CD226: variants seen among roughly 807,000 people sequenced by gnomAD.
The protein encoded by CD226 is CD226 molecule, also known as CD226 antigen.
In CD226, 24 loss-of-function variants were observed where a neutral mutation model predicts 34.9. The ratio of observed to expected loss-of-function variants is 0.69; its 90% CI spans 0.50 to 0.97. CD226 has a LOEUF of 0.97. Among genes scored for constraint, CD226 ranks in the 50% least tolerant of loss-of-function variants. The pLI is 0.00. For missense variants in CD226, 397 were observed against 412.7 expected (o/e 0.96, Z 0.33); for synonymous variants, 148 against 147.4 (o/e 1.00, Z -0.03).
chr18:69,908,098 T>G, intron 2 of CD226, among the ~76,000 whole-genome samples: 1 of 152,206 alleles, frequency 6.6e-6, no homozygotes, highest in East Asian at 1.9e-4. Context: ...CTCCCAGGAC[T>G]TACCCACAGT....
chr18:69,932,064 T>C (rs1436674028), intron 2 of CD226, among the ~76,000 whole-genome samples: 2 of 152,154 alleles, frequency 1.3e-5, no homozygotes, highest in Non-Finnish European at 2.9e-5. Flanking sequence ...GATCCCACCC[T>C]AATAACCTCA....
At chr18:69,922,188 T>C (rs1413052158) in intron 2 of CD226, among the ~76,000 whole-genome samples, 2 of 152,234 alleles carry the variant, frequency 1.3e-5, no homozygotes, top group Admixed American at 1.3e-4. Flanking sequence ...GCATAAATAT[T>C]TAAAAAATAT....
intron 4 of CD226, among the ~76,000 whole-genome samples, chr18:69,870,370 G>A (rs1599374698): frequency 6.6e-6 from 1 of 150,686 alleles, no homozygotes; most frequent in Non-Finnish European, 1.5e-5. Flanking sequence ...CATCTCCCGG[G>A]TTCAAGTGAT....
intron 1 of CD226, chr18:69,956,667 C>A (rs947745515): frequency 2.9e-4 from 14 of 48,884 alleles, no homozygotes; most frequent in African/African-American, 3.7e-4. Context: ...GCCATGGTTT[C>A]ACTGGCAGCC....
At chr18:69,916,104 A>C (rs544339606) in intron 2 of CD226, among the ~76,000 whole-genome samples, 1 of 152,336 alleles carries the variant, frequency 6.6e-6, no homozygotes, top group East Asian at 1.9e-4. Flanking sequence ...TCGCAGGTTT[A>C]AATTAGACAT....
At chr18:69,879,941 T>G (rs1158372347) in intron 3 of CD226, among the ~76,000 whole-genome samples, 1 of 152,198 alleles carries the variant, frequency 6.6e-6, no homozygotes, top group African/African-American at 2.4e-5. Flanking sequence ...TATACGGAAT[T>G]GTACGTGAGA....
At chr18:69,908,081 T>A (rs1324900058) in intron 2 of CD226, among the ~76,000 whole-genome samples, 2 of 152,222 alleles carry the variant, frequency 1.3e-5, no homozygotes, top group Non-Finnish European at 2.9e-5. Context: ...CAGCTTGACC[T>A]ATCTCTCTCC....
At chr18:69,895,449 T>C (rs559524536) in intron 3 of CD226, among the ~76,000 whole-genome samples, 1 of 152,198 alleles carries the variant, frequency 6.6e-6, no homozygotes, top group African/African-American at 2.4e-5. Flanking sequence ...ACGAATTTCT[T>C]TTTTAAGCTT....
intron 2 of CD226, among the ~76,000 whole-genome samples, chr18:69,927,549 C>A (rs573207457): frequency 1.3e-4 from 20 of 152,250 alleles, no homozygotes; most frequent in African/African-American, 4.6e-4. Flanking sequence ...TCCCATCCCC[C>A]ACCCCCGACA....
rs1472116535 is a variant in CD226, at chr18:69,859,602, G to A, written c.*4712C>T. The A allele has an allele frequency of 1.3e-5, 2 of 151,868 alleles. No homozygotes were observed. Among genetic ancestry groups the A allele is most frequent in the Non-Finnish European group, 2.9e-5 (2 of 67,982 alleles). 9.4% of individuals were successfully genotyped at this position (151,868 alleles called of 1,614,324 possible). A position where few individuals can be genotyped will look rare whatever the true frequency, so the allele number is the denominator to read the frequency against. On this transcript the variant is annotated 3_prime_UTR_variant, in exon 6 of 6. Transcript: ENST00000582621. ...AAAAAAGTATTAGTGTCATAAGCAT[G>A]CTATTCAGAAAAGTGAACATAAATA...
upstream of CD226, among the ~76,000 whole-genome samples, chr18:69,957,667 C>T (rs866808196): frequency 4.6e-5 from 7 of 152,158 alleles, no homozygotes; most frequent in Admixed American, 4.6e-4. Context: ...TTTAATTATG[C>T]ATCGCAGGTA....
At chr18:69,915,681 A>G (rs967926737) in intron 2 of CD226, among the ~76,000 whole-genome samples, 1 of 152,142 alleles carries the variant, frequency 6.6e-6, no homozygotes, top group Non-Finnish European at 1.5e-5. Flanking sequence ...GTTAGGGATG[A>G]CTTCCATTTC....
At chr18:69,876,293 A>C (rs1466390983) in intron 3 of CD226, among the ~76,000 whole-genome samples, 1 of 152,260 alleles carries the variant, frequency 6.6e-6, no homozygotes, top group Non-Finnish European at 1.5e-5. Flanking sequence ...GAAATAGAAT[A>C]CTTAACAATT....
chr18:69,867,423 A>G lies in CD226; in HGVS notation c.831-12T>C, dbSNP rs1983216965. On this transcript the variant is annotated splice_polypyrimidine_tract_variant and intron_variant, in intron 4 of 5. Coordinates refer to ENST00000582621, the MANE Select transcript of CD226 (RefSeq NM_001303618.2). The stretch of plus-strand genomic sequence containing the variant: ...CTCTCCTTCTCCTTCTGGAATGCAT[A>G]TTCAATAAAGGATATAAAGATATGA... 16 of 1,498,878 alleles carry G rather than the reference A, an allele frequency of 1.1e-5. No homozygotes were observed. In the Middle Eastern group the frequency reaches 5.1e-4, roughly 48 times the overall value. 92.8% of individuals were successfully genotyped at this position (1,498,878 alleles called of 1,614,324 possible). A position where few individuals can be genotyped will look rare whatever the true frequency, so the allele number is the denominator to read the frequency against.
At chr18:69,869,131 T>A (rs1378679435) in intron 4 of CD226, among the ~76,000 whole-genome samples, 1 of 152,230 alleles carries the variant, frequency 6.6e-6, no homozygotes, top group Admixed American at 6.5e-5. Context: ...AAATACCATT[T>A]GACCCAGCAG....
intron 3 of CD226, among the ~76,000 whole-genome samples, chr18:69,888,182 T>C (rs73464711): frequency 0.028 from 4,301 of 152,318 alleles, 189 homozygotes; most frequent in African/African-American, 0.098. Flanking sequence ...GAATAACTTA[T>C]TTTACATTTT....
intron 2 of CD226, among the ~76,000 whole-genome samples, chr18:69,914,941 G>A (rs983873047): frequency 6.6e-6 from 1 of 152,118 alleles, no homozygotes; most frequent in African/African-American, 2.4e-5. Flanking sequence ...TTAAAGTGAG[G>A]GAAGATTTTA....
upstream of CD226, among the ~76,000 whole-genome samples, chr18:69,961,351 C>T (rs1258739066): frequency 2.0e-5 from 3 of 152,060 alleles, no homozygotes; most frequent in African/African-American, 7.2e-5. Context: ...TTTTAGTTAC[C>T]TGGAATTTTA....
chr18:69,881,706 T>C (rs922828728), intron 3 of CD226, among the ~76,000 whole-genome samples: 9 of 152,220 alleles, frequency 5.9e-5, no homozygotes, highest in African/African-American at 2.2e-4. Flanking sequence ...GAAGTAGTCG[T>C]GTACAGCAGA....
Sources: allele counts gnomAD v4.1 joint callset (sites outside exome capture counted in the v4.1 genomes callset), GRCh38; gene constraint gnomAD v4.1.1; transcripts MANE v1.5; gene names NCBI Gene and HGNC (gene_info 2026-07-23, HGNC 2026-07-21).